Variants in PIR observed in about 807,000 individuals in gnomAD.
PIR encodes pirin, also known as pirin (iron-binding nuclear protein).
In PIR, 22 loss-of-function variants were observed where a neutral mutation model predicts 24.2. The ratio of observed to expected loss-of-function variants is 0.91; its 90% CI spans 0.65 to 1.30. The LOEUF is 1.30. Among genes scored for constraint, PIR ranks in the 50% most tolerant of loss-of-function variants. The pLI, the probability that PIR is intolerant of heterozygous loss-of-function variation, is 0.00. For synonymous variants in PIR, 80 were observed against 79.6 expected, an observed-to-expected ratio of 1.00 and a Z score of -0.03; for missense variants, 220 against 220.3, an observed-to-expected ratio of 1.00 and a Z score of 0.01.
chrX:15,398,667 A>ATGTGTGT (rs1372522692), intron 7 of PIR, among the ~76,000 whole-genome samples: 1 of 71,700 alleles, frequency 1.4e-5, no homozygotes, highest in Non-Finnish European at 2.6e-5. Flanking sequence ...TTGAGGAGGG[A>ATGTGTGT]GGGTGTGTGT....
intron 3 of PIR, among the ~76,000 whole-genome samples, chrX:15,473,853 CCT>C (rs1253478465): frequency 7.1e-5 from 8 of 112,700 alleles, no homozygotes; most frequent in East Asian, 2.8e-4. Flanking sequence ...CCGCGCCCAG[CCT>C]CTGTTTTTTA....
intron 5 of PIR, among the ~76,000 whole-genome samples, chrX:15,444,138 G>A (rs1304622560): frequency 9.0e-6 from 1 of 111,562 alleles, no homozygotes; most frequent in Non-Finnish European, 1.9e-5. Context: ...GAAATATTTC[G>A]TGAAAGGAAG....
chrX:15,475,069 A>G (rs1043976230), intron 3 of PIR, among the ~76,000 whole-genome samples: 1 of 105,203 alleles, frequency 9.5e-6, no homozygotes, highest in African/African-American at 3.5e-5. Context: ...CCTTGATGGT[A>G]GGGTTTGCTT....
At position 15,455,842 on chromosome X, in the gene PIR, G is replaced by A. The variant is rs202078311; in HGVS notation, c.480+6C>T. ...CAGGTTAAATAGACACAATAGCCTG[G>A]CTTACCTTTATTCCCAGGGCTTCTC... On this transcript the variant is annotated splice_donor_region_variant and intron_variant, in intron 5 of 9. Transcript: ENST00000380420. The A allele has an allele frequency of 6.1e-4, 723 of 1,192,101 alleles. 2 individuals are homozygous for A. The South Asian group carries it at 0.011, about 18-fold the overall frequency.
At chrX:15,491,776 C>T (rs1923178289) in intron 1 of PIR, among the ~76,000 whole-genome samples, 2 of 111,407 alleles carry the variant, frequency 1.8e-5, no homozygotes, top group African/African-American at 6.5e-5. Flanking sequence ...CAGGAACATG[C>T]TGTATGGGTT....
chrX:15,474,975 T>C lies in PIR; in HGVS notation c.189+4754A>G, dbSNP rs539005164. On this transcript the variant is annotated intron_variant, in intron 3 of 9. Transcript: ENST00000380420. ...ATAACAAAAGATGCTCCCTGAACAA[T>C]AGAGAGTCTTTATGATATTGAAAAA... 3.2e-4 allele frequency among the ~76,000 whole-genome samples: 36 copies of C among 111,584 alleles called. No individual in the cohort carries two copies. In the South Asian group the frequency reaches 0.013, roughly 40 times the overall value.
rs190131149 is a variant in PIR at position 15,396,004 on chromosome X, C to T, written c.693+1445G>A. ...CCCTTCATCACTTCTTTCTGGTGTTCTGTTTTAGCTTCCAACTCCTTATCT... is the reference window on the plus strand; with the variant it reads ...CCCTTCATCACTTCTTTCTGGTGTTTTGTTTTAGCTTCCAACTCCTTATCT... On this transcript the variant is annotated intron_variant, in intron 8 of 9. Coordinates refer to ENST00000380420, the MANE Select transcript of PIR (RefSeq NM_001018109.3). Among the ~76,000 whole-genome samples, 57 of 111,624 alleles carry T rather than the reference C, an allele frequency of 5.1e-4. 1 individual carries two copies. In the East Asian group the frequency reaches 0.016, roughly 32 times the overall value.
At chrX:15,442,539 C>T (rs4830535) in intron 5 of PIR, among the ~76,000 whole-genome samples, 39,067 of 111,090 alleles carry the variant, frequency 0.35, 5,159 homozygotes, top group East Asian at 0.47. Context: ...AAAGCCGAGA[C>T]AGGCCAAGAG....
intron 3 of PIR, among the ~76,000 whole-genome samples, chrX:15,478,167 A>G (rs762498284): frequency 3.7e-4 from 41 of 111,743 alleles, no homozygotes; most frequent in African/African-American, 1.2e-3. Flanking sequence ...ACAGAGAATG[A>G]TCTCAGCTGA....
At chrX:15,414,219 T>TA (rs35392866) in intron 6 of PIR, among the ~76,000 whole-genome samples, 2 of 112,124 alleles carry the variant, frequency 1.8e-5, no homozygotes, top group Admixed American at 1.9e-4. Context: ...TCCTGTTCTT[T>TA]AAAAAAAGTT....
intron 3 of PIR, among the ~76,000 whole-genome samples, chrX:15,479,518 C>G (rs777332929): frequency 9.0e-6 from 1 of 111,242 alleles, no homozygotes; most frequent in Non-Finnish European, 1.9e-5. Context: ...AACTTATTAA[C>G]TGCACAAATA....
rs761992515 is a variant in PIR, at chrX:15,489,339, T to C, written c.96+1823A>G. ...TATATATTTTATTTTAGTAATCCTA[T>C]GTATTTTATTTTATGTATTTTAAAA... On this transcript the variant is annotated intron_variant, in intron 2 of 9. Transcript: ENST00000380420. 7.1e-5 allele frequency among the ~76,000 whole-genome samples: 8 copies of C among 112,613 alleles called. No homozygotes were observed. The South Asian group carries it at 1.1e-3, about 15-fold the overall frequency.
At chrX:15,480,813 C>T (rs1486516386) in intron 2 of PIR, among the ~76,000 whole-genome samples, 1 of 112,644 alleles carries the variant, frequency 8.9e-6, no homozygotes, top group African/African-American at 3.2e-5. Flanking sequence ...CGATGGAGGA[C>T]AAGTCCTAAA....
chrX:15,466,768 C>T (rs180917337), intron 3 of PIR, among the ~76,000 whole-genome samples: 7 of 111,628 alleles, frequency 6.3e-5, no homozygotes, highest in Admixed American at 2.8e-4. Context: ...GAATAGTTCC[C>T]CCTACCCCCT....
chrX:15,440,357 C>T (rs774918139), intron 5 of PIR, among the ~76,000 whole-genome samples: 35 of 111,221 alleles, frequency 3.1e-4, no homozygotes, highest in African/African-American at 1.1e-3. Flanking sequence ...TCATATGTAA[C>T]CACCATATTT....
intron 6 of PIR, among the ~76,000 whole-genome samples, chrX:15,412,129 C>T (rs1234109799): frequency 1.8e-5 from 2 of 112,098 alleles, no homozygotes; most frequent in Non-Finnish European, 3.8e-5. Context: ...TATCTATGTA[C>T]GGATATTCAA....
In PIR at chrX:15,400,749, A is replaced by T. The variant is rs5935963; in HGVS notation, c.611-3218T>A. ...GGTAAATATTTATTTATTTATTTAT[A>T]TATTTATTTATTTTTGAGATGGAGT... On this transcript the variant is annotated intron_variant, in intron 7 of 9. Coordinates refer to ENST00000380420, the MANE Select transcript of PIR (RefSeq NM_001018109.3). Among the ~76,000 whole-genome samples the T allele has an allele frequency of 1.2e-3, 128 of 104,113 alleles. 5 individuals are homozygous for T. Among genetic ancestry groups the T allele is most frequent in the East Asian group, 4.1e-3 (14 of 3,405 alleles). 90.4% of individuals were successfully genotyped at this position (104,113 alleles called of 115,157 possible).
intron 4 of PIR, among the ~76,000 whole-genome samples, chrX:15,456,928 T>C (rs1921106194): frequency 8.9e-6 from 1 of 112,539 alleles, no homozygotes; most frequent in African/African-American, 3.2e-5. Context: ...GATGAAGGTA[T>C]GAACATCATA....
chrX:15,435,951 T>C lies in PIR; in HGVS notation c.481-9961A>G, dbSNP rs540134104. On this transcript the variant is annotated intron_variant, in intron 5 of 9. Coordinates refer to ENST00000380420, the MANE Select transcript of PIR (RefSeq NM_001018109.3). ...TCTTGATTGTTTTAAACAATTCTGATAAGCAATGGGAAAGATTAGTTTCCA... is the reference window on the plus strand; with the variant it reads ...TCTTGATTGTTTTAAACAATTCTGACAAGCAATGGGAAAGATTAGTTTCCA... Among the ~76,000 whole-genome samples, 109 of 112,596 alleles carry C rather than the reference T, an allele frequency of 9.7e-4. 2 individuals are homozygous for C. The South Asian group carries it at 0.039, about 41-fold the overall frequency.
Sources: gnomAD v4.1 joint callset for allele counts (sites outside exome capture counted in the v4.1 genomes callset) on GRCh38, gnomAD v4.1.1 for gene constraint, MANE v1.5 for transcripts, NCBI Gene and HGNC (gene_info 2026-07-23, HGNC 2026-07-21) for gene names.